GPC5: variants seen among roughly 807,000 people sequenced by gnomAD.
GPC5 encodes the protein glypican 5.
In GPC5, 47 loss-of-function variants were observed where a neutral mutation model predicts 53.9. The ratio of observed to expected loss-of-function variants is 0.87; its 90% CI spans 0.69 to 1.11. The LOEUF (loss-of-function observed/expected upper bound fraction) is 1.11. Ranked by LOEUF, GPC5 falls within the 50% of genes most tolerant of loss-of-function variation. GPC5 has a pLI of 0.00. For missense variants in GPC5, 748 were observed against 713.1 expected (o/e 1.05, Z -0.56); for synonymous variants, 286 against 263.3 (o/e 1.09, Z -0.84).
At chr13:92,665,577 G>C (rs1444243484) in intron 7 of GPC5, among the ~76,000 whole-genome samples, 1 of 152,104 alleles carries the variant, frequency 6.6e-6, no homozygotes, top group East Asian at 1.9e-4. Flanking sequence ...AAATAAATAA[G>C]AAATGTTGAA....
intron 6 of GPC5, among the ~76,000 whole-genome samples, chr13:91,951,518 C>T (rs191291862): frequency 3.3e-4 from 50 of 152,142 alleles, no homozygotes; most frequent in African/African-American, 1.1e-3. Flanking sequence ...TACTTAATTT[C>T]AGCATTGCTG....
At chr13:92,016,727 C>CT (rs5805722) in intron 6 of GPC5, among the ~76,000 whole-genome samples, 108 of 143,632 alleles carry the variant, frequency 7.5e-4, no homozygotes, top group South Asian at 2.2e-3. Flanking sequence ...TTCTTTTCTT[C>CT]TTTTTTTTTT....
At chr13:91,568,217 A>G (rs377164210) in intron 2 of GPC5, among the ~76,000 whole-genome samples, 1 of 152,196 alleles carries the variant, frequency 6.6e-6, no homozygotes, top group African/African-American at 2.4e-5. Flanking sequence ...GCAGATGCCT[A>G]TTAATGCCTT....
intron 7 of GPC5, among the ~76,000 whole-genome samples, chr13:92,313,068 G>T (rs536831569): frequency 6.6e-6 from 1 of 152,044 alleles, no homozygotes. Context: ...CCACCTACTT[G>T]TTCATATAAA....
rs923393664 is a variant in GPC5 at position 91,712,298 on chromosome 13, ATG to A, written c.1021-16220_1021-16219del. On this transcript the variant is annotated intron_variant, in intron 3 of 7. Coordinates refer to ENST00000377067, the MANE Select transcript of GPC5 (RefSeq NM_004466.6). ...CAAAAGCAAAGTTGTTTCCAGTTTA[ATG>A]TGTGTGTGTGTGTATATGTGTGTGT... Among the ~76,000 whole-genome samples the A allele has an allele frequency of 3.2e-3, 480 of 150,226 alleles. 6 individuals are homozygous for A. The highest frequency in any genetic ancestry group is 0.011 in the African/African-American group (453 of 40,920).
rs535513837 is a variant in GPC5, at chr13:92,859,732, C to T, written c.1562-6550C>T. ...CTTTTAAATTTTCTATTTGTATATT[C>T]GTTCTAGAAGTAATTTCACAAGAAT... On this transcript the variant is annotated intron_variant, in intron 7 of 7. Coordinates refer to ENST00000377067, the MANE Select transcript of GPC5 (RefSeq NM_004466.6). Among the ~76,000 whole-genome samples the T allele has an allele frequency of 2.0e-5, 3 of 151,988 alleles. No individual in the cohort carries two copies. The South Asian group carries it at 6.2e-4, about 31-fold the overall frequency.
intron 7 of GPC5, among the ~76,000 whole-genome samples, chr13:92,246,908 A>C (rs2042655254): frequency 6.6e-6 from 1 of 152,104 alleles, no homozygotes; most frequent in Non-Finnish European, 1.5e-5. Flanking sequence ...ATGTAGACAA[A>C]AATCCCCAAA....
intron 7 of GPC5, among the ~76,000 whole-genome samples, chr13:92,237,871 AATAG>A (rs2042581737): frequency 1.3e-5 from 2 of 152,206 alleles, no homozygotes; most frequent in South Asian, 2.1e-4. Context: ...TTTCTGTCTT[AATAG>A]ATCTGCCTAT....
chr13:92,381,125 G>A (rs955343984), intron 7 of GPC5, among the ~76,000 whole-genome samples: 1 of 152,276 alleles, frequency 6.6e-6, no homozygotes, highest in South Asian at 2.1e-4. Context: ...GTAAATCACT[G>A]TAGGGCTAGT....
intron 2 of GPC5, among the ~76,000 whole-genome samples, chr13:91,643,853 C>T (rs74950854): frequency 6.6e-6 from 1 of 152,234 alleles, no homozygotes; most frequent in South Asian, 2.1e-4. Flanking sequence ...CTCATATGAT[C>T]TCATCCTACT....
chr13:92,255,422 A>G (rs1222980739), intron 7 of GPC5, among the ~76,000 whole-genome samples: 9 of 152,148 alleles, frequency 5.9e-5, no homozygotes, highest in South Asian at 2.1e-4. Flanking sequence ...ACCTAAAAAT[A>G]TGGATTCCTT....
chr13:92,685,483 G>A (rs1013315317), intron 7 of GPC5, among the ~76,000 whole-genome samples: 2 of 150,118 alleles, frequency 1.3e-5, no homozygotes, highest in East Asian at 2.0e-4. Flanking sequence ...TGTCTGATAA[G>A]GCAAGTCTGA....
chr13:91,857,116 A>C (rs774298386), intron 5 of GPC5, among the ~76,000 whole-genome samples: 8 of 151,344 alleles, frequency 5.3e-5, no homozygotes, highest in Non-Finnish European at 1.2e-4. Context: ...CTTCCCTTAC[A>C]CCAATATCAT....
intron 6 of GPC5, 89 bp downstream of exon 6, chr13:91,908,146 G>T: frequency 2.9e-6 from 3 of 1,037,698 alleles, no homozygotes; most frequent in South Asian, 1.9e-5. Context: ...TGTTAATCCT[G>T]TCAGATAATC....
intron 7 of GPC5, among the ~76,000 whole-genome samples, chr13:92,318,886 ATGT>A (rs780658467): frequency 1.4e-4 from 21 of 152,246 alleles, no homozygotes; most frequent in African/African-American, 4.1e-4. Flanking sequence ...TGTTTCATAA[ATGT>A]TGTTGTTTTA....
chr13:92,411,339 A>G (rs187423095), intron 7 of GPC5, among the ~76,000 whole-genome samples: 1 of 152,326 alleles, frequency 6.6e-6, no homozygotes, highest in Admixed American at 6.5e-5. Flanking sequence ...AACATTATAC[A>G]TGACCAATTG....
chr13:91,417,301 A>C (rs1164108287), intron 1 of GPC5, among the ~76,000 whole-genome samples: 6 of 152,202 alleles, frequency 3.9e-5, no homozygotes, highest in Non-Finnish European at 7.3e-5. Context: ...GTGGCAGCAG[A>C]AAAAGATTTA....
At chr13:92,364,017 AT>A in intron 7 of GPC5, among the ~76,000 whole-genome samples, 1 of 151,796 alleles carries the variant, frequency 6.6e-6, no homozygotes, top group East Asian at 1.9e-4. Flanking sequence ...AGATGTATAT[AT>A]TTTTTAAAAG....
At chr13:92,429,852 G>A (rs1877007635) in intron 7 of GPC5, among the ~76,000 whole-genome samples, 2 of 152,088 alleles carry the variant, frequency 1.3e-5, no homozygotes, top group Admixed American at 6.6e-5. Context: ...AAAGAGAGAT[G>A]TTGGTCAAGG....
Sources: gnomAD v4.1 joint callset for allele counts (sites outside exome capture counted in the v4.1 genomes callset) on GRCh38, gnomAD v4.1.1 for gene constraint, MANE v1.5 for transcripts, NCBI Gene and HGNC (gene_info 2026-07-23, HGNC 2026-07-21) for gene names.